PDSS2: variants seen among roughly 807,000 people sequenced by gnomAD.
PDSS2 encodes the protein decaprenyl diphosphate synthase subunit 2, also known as all trans-polyprenyl-diphosphate synthase PDSS2.
In PDSS2, 31 loss-of-function variants were observed where a neutral mutation model predicts 44.5. The observed-to-expected ratio is 0.70, with a 90% CI of 0.52 to 0.94. PDSS2 has a LOEUF of 0.94. PDSS2 is among the 40% of genes least tolerant of loss of function. The pLI is 0.00. For synonymous variants in PDSS2, 157 were observed against 180.3 expected, an observed-to-expected ratio of 0.87 and a Z score of 1.03; for missense variants, 452 against 482.2, an observed-to-expected ratio of 0.94 and a Z score of 0.59.
chr6:107,213,378 G>A (rs1372387028), intron 4 of PDSS2, among the ~76,000 whole-genome samples: 2 of 151,520 alleles, frequency 1.3e-5, no homozygotes, highest in Non-Finnish European at 2.9e-5. Context: ...TTGAACTCCT[G>A]GTCTCAGGTA....
chr6:107,240,750 A>G (rs1177428477), intron 4 of PDSS2, among the ~76,000 whole-genome samples: 1 of 152,036 alleles, frequency 6.6e-6, no homozygotes, highest in Non-Finnish European at 1.5e-5. Context: ...CAATTTTTCT[A>G]TTTCAAATGC....
rs766689872 is a variant in PDSS2, at chr6:107,210,545, A to G, written c.902T>C (p.Ile301Thr). Residue 301 changes from isoleucine to threonine, a missense_variant, in exon 6 of 8, where the codon ATT becomes ACT. Transcript: ENST00000369037. The stretch of plus-strand genomic sequence containing the variant: ...CATGGAGTCACTGGTCTTTTCTTTA[A>G]TAAAAGGCTGGACATCAGAATTTAT... ...HKINSDVQPF[I>T]KEKTSDSMTF... is the part of the protein sequence containing the mutation. 2 of 1,601,400 alleles carry G rather than the reference A, an allele frequency of 1.2e-6. No homozygotes were observed. Among genetic ancestry groups the G allele is most frequent in the Non-Finnish European group, 1.7e-6 (2 of 1,168,592 alleles).
chr6:107,206,352 G>T (rs1192278324), intron 6 of PDSS2, among the ~76,000 whole-genome samples: 1 of 152,178 alleles, frequency 6.6e-6, no homozygotes, highest in Non-Finnish European at 1.5e-5. Context: ...GATTACAGGT[G>T]TGAGCCACCA....
At chr6:107,405,495 G>GA (rs905174896) in intron 1 of PDSS2, among the ~76,000 whole-genome samples, 13 of 151,402 alleles carry the variant, frequency 8.6e-5, no homozygotes, top group African/African-American at 2.9e-4. Flanking sequence ...ATCATGACAG[G>GA]AAAAAAAACT....
rs7767156 is a variant in PDSS2 at position 107,169,270 on chromosome 6, C to T, written c.1042-14493G>A. Among the ~76,000 whole-genome samples the T allele has an allele frequency of 6.2e-3, 947 of 152,194 alleles. 10 individuals are homozygous for T. Among genetic ancestry groups the T allele is most frequent in the African/African-American group, 0.022 (908 of 41,518 alleles). On this transcript the variant is annotated intron_variant, in intron 7 of 7. Transcript: ENST00000369037. ...TACCCTTTCTTCCACTTGATCGAGT[C>T]GGCTACTGAAGCTTGTGCATTCGTC... is the stretch of plus-strand genomic sequence containing the variant.
intron 3 of PDSS2, among the ~76,000 whole-genome samples, chr6:107,263,815 G>T (rs1775324708): frequency 6.6e-6 from 1 of 152,102 alleles, no homozygotes; most frequent in Admixed American, 6.5e-5. Context: ...AGCTAATTTT[G>T]GGATTCTGAA....
At chr6:107,355,749 A>G (rs2115353261) in intron 1 of PDSS2, among the ~76,000 whole-genome samples, 1 of 152,330 alleles carries the variant, frequency 6.6e-6, no homozygotes, top group African/African-American at 2.4e-5. Context: ...TGTGTAAGAG[A>G]GATTCTCAGT....
chr6:107,168,529 C>A (rs528893698), intron 7 of PDSS2, among the ~76,000 whole-genome samples: 1 of 151,528 alleles, frequency 6.6e-6, no homozygotes, highest in Non-Finnish European at 1.5e-5. Context: ...ATGATGTTAG[C>A]TGGTTATTTT....
intron 4 of PDSS2, among the ~76,000 whole-genome samples, chr6:107,223,859 C>T (rs1773698224): frequency 6.6e-6 from 1 of 150,706 alleles, no homozygotes; most frequent in Non-Finnish European, 1.5e-5. Context: ...GGTCCCCAAC[C>T]TCCAGGCCAT....
intron 2 of PDSS2, among the ~76,000 whole-genome samples, chr6:107,294,902 A>T (rs1271861457): frequency 6.6e-6 from 1 of 152,126 alleles, no homozygotes; most frequent in Non-Finnish European, 1.5e-5. Context: ...TAGCATTTAC[A>T]GTCTGTCACT....
rs539858285 is a variant in PDSS2, at chr6:107,422,832, G to A, written c.296+36158C>T. ...TTTCTGTATTGTCCGACAGGAGCATGTTTTATACAAAAATAAAATTAATTT... is the reference window on the plus strand; with the variant it reads ...TTTCTGTATTGTCCGACAGGAGCATATTTTATACAAAAATAAAATTAATTT... On this transcript the variant is annotated intron_variant, in intron 1 of 7. Transcript: ENST00000369037. Among the ~76,000 whole-genome samples, 7 of 152,140 alleles carry A rather than the reference G, an allele frequency of 4.6e-5. 1 individual carries two copies. The South Asian group carries it at 1.5e-3, about 32-fold the overall frequency.
intron 1 of PDSS2, among the ~76,000 whole-genome samples, chr6:107,414,838 T>C (rs1780609924): frequency 6.6e-6 from 1 of 152,162 alleles, no homozygotes; most frequent in African/African-American, 2.4e-5. Flanking sequence ...TCAATTAAAG[T>C]AGTGACAATA....
At chr6:107,355,273 T>A (rs913330261) in intron 1 of PDSS2, among the ~76,000 whole-genome samples, 17 of 152,218 alleles carry the variant, frequency 1.1e-4, no homozygotes, top group Non-Finnish European at 2.2e-4. Flanking sequence ...TACTTCATTG[T>A]GTGTAACAAT....
At chr6:107,384,652 A>C (rs1003692425) in intron 1 of PDSS2, among the ~76,000 whole-genome samples, 56 of 151,268 alleles carry the variant, frequency 3.7e-4, no homozygotes, top group Non-Finnish European at 4.6e-4. Flanking sequence ...AAAACCAAAA[A>C]AAAACACAAA....
At chr6:107,406,206 T>C (rs1780315910) in intron 1 of PDSS2, among the ~76,000 whole-genome samples, 1 of 152,130 alleles carries the variant, frequency 6.6e-6, no homozygotes, top group Admixed American at 6.6e-5. Context: ...CCAAACACAC[T>C]CAAATGCAAG....
At chr6:107,255,027 C>G (rs1018552144) in intron 3 of PDSS2, among the ~76,000 whole-genome samples, 4 of 151,376 alleles carry the variant, frequency 2.6e-5, no homozygotes, top group Non-Finnish European at 5.9e-5. Flanking sequence ...CCATGCCCAG[C>G]TAACTTTTGA....
intron 2 of PDSS2, among the ~76,000 whole-genome samples, chr6:107,284,961 C>G (rs1021967674): frequency 6.6e-6 from 1 of 152,154 alleles, no homozygotes; most frequent in African/African-American, 2.4e-5. Flanking sequence ...GCTTTATTAT[C>G]TCTTCCGTAC....
At chr6:107,391,530 A>G (rs1434491227) in intron 1 of PDSS2, among the ~76,000 whole-genome samples, 2 of 152,100 alleles carry the variant, frequency 1.3e-5, no homozygotes, top group Non-Finnish European at 2.9e-5. Flanking sequence ...ATTTGAAAGC[A>G]AAGATTTTTC....
rs1160740974 is a variant in PDSS2, at chr6:107,395,784, T to A, written c.297-61452A>T. Among the ~76,000 whole-genome samples, 4 of 152,346 alleles carry A rather than the reference T, an allele frequency of 2.6e-5. No individual in the cohort carries two copies. The East Asian group carries it at 5.8e-4, about 22-fold the overall frequency. On this transcript the variant is annotated intron_variant, in intron 1 of 7. Transcript: ENST00000369037. ...AATTTTGATTTTTGAGCTATGTTTC[T>A]CTGCCTCTTGACATGTCTAGTAATT...
Sources: allele counts gnomAD v4.1 joint callset (sites outside exome capture counted in the v4.1 genomes callset), GRCh38; gene constraint gnomAD v4.1.1; transcripts MANE v1.5; gene names NCBI Gene and HGNC (gene_info 2026-07-23, HGNC 2026-07-21).